The following MICU1 variants were observed in gnomAD, a reference collection of about 807,000 sequenced individuals.
The protein encoded by MICU1 is mitochondrial calcium uptake 1.
A neutral mutation model predicts 56.8 loss-of-function variants in MICU1; 45 were observed. That is an observed-to-expected ratio of 0.79 (90% CI 0.62 to 1.02). The LOEUF (loss-of-function observed/expected upper bound fraction) is 1.02, where lower values mean the gene tolerates loss of function less well. MICU1 is among the 50% of genes least tolerant of loss of function. MICU1 has a pLI of 0.00. For synonymous variants in MICU1, 186 were observed against 195.1 expected, an observed-to-expected ratio of 0.95 and a Z score of 0.39; for missense variants, 504 against 587.1, an observed-to-expected ratio of 0.86 and a Z score of 1.46.
At chr10:72,432,122 C>T (rs1864555683) in intron 8 of MICU1, among the ~76,000 whole-genome samples, 2 of 136,966 alleles carry the variant, frequency 1.5e-5, no homozygotes, top group African/African-American at 5.5e-5. Context: ...GAGGCAGGGT[C>T]TCACTCTGTC....
intron 5 of MICU1, among the ~76,000 whole-genome samples, chr10:72,525,629 G>A (rs534929397): frequency 6.4e-4 from 98 of 152,246 alleles, no homozygotes; most frequent in African/African-American, 2.0e-3. Flanking sequence ...GAACAATTAC[G>A]CAGAGGGTAT....
chr10:72,475,181 T>C lies in MICU1; in HGVS notation c.852A>G (p.Gly284=), dbSNP rs1322253052. 6.2e-7 allele frequency: 1 copy of C among 1,611,234 alleles called. No individual in the cohort carries two copies. ...TTGTCAGCTTTCCCTTCAGATCAGC[T>C]CCAAAAAAGTAGGTTGTGAGGGCTG... ...LCSALTTYFF[G]ADLKGKLTIK... The change falls in exon 8 of 12, where the codon GGA becomes GGG. Residue 284 remains glycine, a synonymous_variant. Transcript: ENST00000361114.
intron 8 of MICU1, among the ~76,000 whole-genome samples, chr10:72,466,129 A>ATTGTGTT (rs1865789036): frequency 2.6e-5 from 4 of 152,190 alleles, no homozygotes; most frequent in Non-Finnish European, 5.9e-5. Flanking sequence ...AGTAAATAAA[A>ATTGTGTT]TAAAGGTTAC....
intron 1 of MICU1, among the ~76,000 whole-genome samples, chr10:72,590,929 A>C (rs1460963958): frequency 1.3e-5 from 2 of 151,918 alleles, no homozygotes; most frequent in African/African-American, 4.8e-5. Context: ...CTACCCAACA[A>C]CAGCATACAC....
At chr10:72,607,272 C>G (rs1000503915) in intron 1 of MICU1, among the ~76,000 whole-genome samples, 1 of 149,944 alleles carries the variant, frequency 6.7e-6, no homozygotes, top group East Asian at 2.0e-4. Flanking sequence ...ACCCGGTAGG[C>G]GGAGGTTGGA....
chr10:72,407,022 A>T (rs1589182665), intron 10 of MICU1, among the ~76,000 whole-genome samples: 1 of 152,206 alleles, frequency 6.6e-6, no homozygotes, highest in African/African-American at 2.4e-5. Context: ...GAAACCTTAG[A>T]CGAGTGTACA....
At chr10:72,400,050 T>C (rs909642515) in intron 10 of MICU1, among the ~76,000 whole-genome samples, 1 of 152,208 alleles carries the variant, frequency 6.6e-6, no homozygotes, top group Non-Finnish European at 1.5e-5. Flanking sequence ...AATGTATGTA[T>C]GTATTTACCA....
At chr10:72,510,517 A>G (rs1045833177) in intron 5 of MICU1, among the ~76,000 whole-genome samples, 1 of 152,196 alleles carries the variant, frequency 6.6e-6, no homozygotes, top group Admixed American at 6.5e-5. Context: ...TGAAATCCCC[A>G]AAGATCAAAA....
chr10:72,520,334 T>C lies in MICU1; in HGVS notation c.538-12065A>G, dbSNP rs368043427. On this transcript the variant is annotated intron_variant, in intron 5 of 11. Transcript: ENST00000361114. ...ACACTATTTCCAATCAAATTAAAAA[T>C]GTTGCACAGCTAAAATATGTTTTTC... is the stretch of plus-strand genomic sequence containing the variant. 6.6e-5 allele frequency among the ~76,000 whole-genome samples: 10 copies of C among 152,152 alleles called. No homozygotes were observed. In the East Asian group the frequency reaches 9.6e-4, roughly 15 times the overall value.
At chr10:72,379,674 A>G (rs1862637910) in intron 10 of MICU1, 1 of 322,386 alleles carries the variant, frequency 3.1e-6, no homozygotes, top group African/African-American at 2.2e-5. Flanking sequence ...ATTGGTATTA[A>G]GTGGTTGTAG....
chr10:72,372,588 C>T (rs1272714340), intron 11 of MICU1, among the ~76,000 whole-genome samples: 1 of 152,160 alleles, frequency 6.6e-6, no homozygotes, highest in African/African-American at 2.4e-5. Flanking sequence ...CCTGTAATCC[C>T]AGCACTTTGG....
chr10:72,407,181 T>G (rs1863659162), intron 10 of MICU1, among the ~76,000 whole-genome samples: 1 of 152,200 alleles, frequency 6.6e-6, no homozygotes, highest in Non-Finnish European at 1.5e-5. Flanking sequence ...GAACTTTAGT[T>G]AATATTCATA....
intron 3 of MICU1, among the ~76,000 whole-genome samples, chr10:72,559,088 T>C (rs768965961): frequency 1.3e-5 from 2 of 152,224 alleles, no homozygotes; most frequent in Middle Eastern, 6.8e-3. Flanking sequence ...TTCCAGAGGC[T>C]GAGACAGCAG....
rs1304419502 is a variant in MICU1 at position 72,405,392 on chromosome 10, T to C, written c.1180+2537A>G. 2.0e-5 allele frequency among the ~76,000 whole-genome samples: 3 copies of C among 152,124 alleles called. No individual in the cohort carries two copies. The East Asian group carries it at 5.8e-4, about 29-fold the overall frequency. ...CTACCACCATGCCCAGCTAATTTTT[T>C]GTATTTCTAGTAGAGACAGAGTTTC... On this transcript the variant is annotated intron_variant, in intron 10 of 11. Transcript: ENST00000361114.
At chr10:72,449,773 C>A (rs1865237820) in intron 8 of MICU1, among the ~76,000 whole-genome samples, 1 of 152,050 alleles carries the variant, frequency 6.6e-6, no homozygotes, top group Admixed American at 6.6e-5. Context: ...TGGTCTATCT[C>A]TAGATCGAAC....
intron 10 of MICU1, among the ~76,000 whole-genome samples, chr10:72,405,770 G>GA (rs1190996786): frequency 3.3e-5 from 5 of 151,836 alleles, no homozygotes; most frequent in Non-Finnish European, 7.4e-5. Context: ...AATATATATA[G>GA]AAAAAAATTT....
At chr10:72,401,798 T>C (rs562553841) in intron 10 of MICU1, among the ~76,000 whole-genome samples, 214 of 152,334 alleles carry the variant, frequency 1.4e-3, no homozygotes, top group Middle Eastern at 3.4e-3. Flanking sequence ...GAGTGTAAAC[T>C]AGCTCTCTAG....
intron 8 of MICU1, among the ~76,000 whole-genome samples, chr10:72,426,685 A>G (rs1221561404): frequency 6.6e-6 from 1 of 152,202 alleles, no homozygotes; most frequent in Non-Finnish European, 1.5e-5. Context: ...GGCATGAGCC[A>G]CAGCACCCGG....
intron 10 of MICU1, among the ~76,000 whole-genome samples, chr10:72,391,566 T>C (rs1203436315): frequency 1.3e-5 from 2 of 152,152 alleles, no homozygotes; most frequent in African/African-American, 4.8e-5. Flanking sequence ...TACATAGTAA[T>C]AGGTATTATA....
Sources: gnomAD v4.1 joint callset for allele counts (sites outside exome capture counted in the v4.1 genomes callset) on GRCh38, gnomAD v4.1.1 for gene constraint, MANE v1.5 for transcripts, NCBI Gene and HGNC (gene_info 2026-07-23, HGNC 2026-07-21) for gene names.